The following IPO7 variants were observed in gnomAD, a reference collection of about 807,000 sequenced individuals.
IPO7 encodes the protein importin-7.
IPO7 carries 13 observed loss-of-function variants against 136.4 expected under a neutral mutation model. That is an observed-to-expected ratio of 0.10 (90% CI 0.06 to 0.15). IPO7 has a LOEUF of 0.15. IPO7 is among the 10% of genes least tolerant of loss of function. The pLI is 1.00. For missense variants in IPO7, 857 were observed against 1,240.6 expected (o/e 0.69, Z 4.65); for synonymous variants, 403 against 404.4 (o/e 1.00, Z 0.04).
Position 9,417,065 on chromosome 11 carries a change from C to A in IPO7, c.643C>A (p.Leu215Ile). 6.8e-7 allele frequency: 1 copy of A among 1,480,626 alleles called. No homozygotes were observed. The highest frequency in any genetic ancestry group is 9.4e-7 in the Non-Finnish European group (1 of 1,063,754). The allele number at this position is 1,480,626 out of a possible 1,614,324, so 91.7% of individuals were successfully genotyped here. Reference sequence around the variant, plus strand: ...ATTCTTGACTTTTATTTAGTATACACTACCACTGGAACTGATAAACCAACA... The same window carrying A: ...ATTCTTGACTTTTATTTAGTATACAATACCACTGGAACTGATAAACCAACA... Reference protein sequence around the residue: ...KIFYALVQYTLPLELINQQNL... With the variant: ...KIFYALVQYTIPLELINQQNL... The change falls in exon 6 of 25, where the codon CTA becomes ATA. Residue 215 changes from leucine to isoleucine, a missense_variant. This residue lies in a region of IPO7 where 287 missense variants were observed against 307.5 expected (regional missense o/e 0.93). Transcript: ENST00000379719.
intron 6 of IPO7, among the ~76,000 whole-genome samples, chr11:9,418,735 C>T (rs948582715): frequency 4.5e-4 from 68 of 152,080 alleles, no homozygotes; most frequent in African/African-American, 1.6e-3. Context: ...TATAAATAAA[C>T]AGTTCAGTGA....
In IPO7 at chr11:9,438,226, A is replaced by C. The variant is rs754521406; in HGVS notation, c.2636A>C (p.His879Pro). 1 of 1,612,228 alleles carries C rather than the reference A, an allele frequency of 6.2e-7. No homozygotes were observed. The highest frequency in any genetic ancestry group is 8.5e-7 in the Non-Finnish European group (1 of 1,178,832). Residue 879 changes from histidine (H) to proline (P), a missense_variant, in exon 22 of 25, where the codon CAT becomes CCT. Physicochemically the swap from His to Pro is moderately conservative, Grantham distance 77. Transcript: ENST00000379719. Reference sequence around the variant, plus strand: ...GGATTGAAAAGAGCATATGCCTGCCATGCAGAACATGAGAATGACAGTGAT... The same window carrying C: ...GGATTGAAAAGAGCATATGCCTGCCCTGCAGAACATGAGAATGACAGTGAT... ...FNGLKRAYAC[H>P]AEHENDSDDD... is the part of the protein sequence containing the mutation.
At chr11:9,388,205 C>G (rs1348380538) in intron 1 of IPO7, among the ~76,000 whole-genome samples, 18 of 150,272 alleles carry the variant, frequency 1.2e-4, no homozygotes, top group African/African-American at 4.2e-4. Flanking sequence ...GAGACGGAGT[C>G]TTGCTCTTGT....
chr11:9,424,068 C>A (rs1213055871), intron 10 of IPO7, among the ~76,000 whole-genome samples, 192 bp downstream of exon 10: 1 of 152,112 alleles, frequency 6.6e-6, no homozygotes, highest in Non-Finnish European at 1.5e-5. Flanking sequence ...TTGGCAGACA[C>A]AAATTCAATA....
chr11:9,436,652 T>TTTTG lies in IPO7; in HGVS notation c.2268+298_2268+301dup, dbSNP rs568556140. Reference sequence around the variant, plus strand: ...GTAATTAAATATCCATGGTCAGTTTTTTTGTTTGTTTGTTTTGTTTTGTTT... The same window carrying TTTTG: ...GTAATTAAATATCCATGGTCAGTTTTTTTGTTTGTTTGTTTGTTTTGTTTTGTTT... On this transcript the variant is annotated intron_variant, in intron 20 of 24. Transcript: ENST00000379719. Among the ~76,000 whole-genome samples the TTTTG allele has an allele frequency of 6.6e-5, 10 of 151,226 alleles. No individual in the cohort carries two copies. The East Asian group carries it at 7.8e-4, about 12-fold the overall frequency.
intron 2 of IPO7, chr11:9,403,599 G>T: frequency 2.1e-6 from 1 of 469,744 alleles, no homozygotes; most frequent in Non-Finnish European, 3.7e-6. Context: ...AATAGAAATT[G>T]ATGGGGTTTA....
chr11:9,423,694 C>A, intron 9 of IPO7, 83 bp from the exon 10 acceptor site: 1 of 802,470 alleles, frequency 1.2e-6, no homozygotes, highest in Non-Finnish European at 2.1e-6. Flanking sequence ...TATAGTGTTA[C>A]TTTGGTTTTA....
chr11:9,405,122 T>A lies in IPO7; in HGVS notation c.166+1751T>A, dbSNP rs368553283. On this transcript the variant is annotated intron_variant, in intron 2 of 24. Transcript: ENST00000379719. ...AGGAATTATTATTATTATTATTATT[T>A]TTAGACAAACTGGCTGTATTGCCCA... is the stretch of plus-strand genomic sequence containing the variant. Among the ~76,000 whole-genome samples, 8 of 152,202 alleles carry A rather than the reference T, an allele frequency of 5.3e-5. No individual in the cohort carries two copies. The East Asian group carries it at 9.7e-4, about 18-fold the overall frequency.
chr11:9,425,016 C>T, intron 11 of IPO7, 26 bp downstream of exon 11: 1 of 1,448,160 alleles, frequency 6.9e-7, no homozygotes, highest in Middle Eastern at 2.1e-4. Context: ...GTTTAGATAA[C>T]TTTTCTGTAT....
rs542931154 is a variant in IPO7, at chr11:9,401,742, A to G, written c.85-1548A>G. Among the ~76,000 whole-genome samples the G allele has an allele frequency of 4.6e-5, 7 of 152,220 alleles. 1 individual carries two copies. Among genetic ancestry groups the G allele is most frequent in the African/African-American group, 1.2e-4 (5 of 41,546 alleles). ...GTATTAAATTATGATTATATAGTCT[A>G]TTGTTTTATTGTATGTTCAAAGCTA... On this transcript the variant is annotated intron_variant, in intron 1 of 24. Coordinates refer to ENST00000379719, the MANE Select transcript of IPO7 (RefSeq NM_006391.3).
intron 6 of IPO7, 77 bp downstream of exon 6, chr11:9,417,225 C>A: frequency 1.6e-6 from 1 of 612,972 alleles, no homozygotes; most frequent in Non-Finnish European, 2.9e-6. Context: ...CTGGTGTTTC[C>A]TGTAACATTC....
At position 9,408,334 on chromosome 11, in the gene IPO7, A is replaced by G. The variant is rs182303857; in HGVS notation, c.167-152A>G. On this transcript the variant is annotated intron_variant, in intron 2 of 24. Coordinates refer to ENST00000379719, the MANE Select transcript of IPO7 (RefSeq NM_006391.3). ...ACAGTGTTCAATTTGTGCATTATCA[A>G]CTTTAAAAATAATTGAATGTAGTAT... is the stretch of plus-strand genomic sequence containing the variant. 1.3e-3 allele frequency: 560 copies of G among 431,652 alleles called. 4 individuals carry two copies. The highest frequency in any genetic ancestry group is 0.01 in the African/African-American group (511 of 48,990). The allele number at this position is 431,652 out of a possible 1,614,324, so 26.7% of individuals were successfully genotyped here.
At chr11:9,392,954 A>G (rs1854657832) in intron 1 of IPO7, among the ~76,000 whole-genome samples, 1 of 151,900 alleles carries the variant, frequency 6.6e-6, no homozygotes, top group African/African-American at 2.4e-5. Flanking sequence ...CTCAAAAAAA[A>G]AAAAAAAAAA....
At chr11:9,428,855 A>G (rs769175105) in intron 13 of IPO7, 176 bp from the exon 14 acceptor site, 1 of 793,950 alleles carries the variant, frequency 1.3e-6, no homozygotes, top group African/African-American at 1.7e-5. Context: ...TATCCACACA[A>G]ACATCATGCG....
Position 9,402,956 on chromosome 11 carries a change from A to G in IPO7, c.85-334A>G. The G allele has an allele frequency of 2.0e-5, 5 of 252,456 alleles. 1 individual carries two copies. In the South Asian group the frequency reaches 2.3e-4, roughly 11 times the overall value. The allele number at this position is 252,456 out of a possible 1,614,324, so 15.6% of individuals were successfully genotyped here. A position where few individuals can be genotyped will look rare whatever the true frequency, so the allele number is the denominator to read the frequency against. ...GAATCGCTTGAACCTGGGGAGGCGGAGGTTGCAGTGAGCCAAGATTGCGTC... is the reference window on the plus strand; with the variant it reads ...GAATCGCTTGAACCTGGGGAGGCGGGGGTTGCAGTGAGCCAAGATTGCGTC... On this transcript the variant is annotated intron_variant, in intron 1 of 24. Transcript: ENST00000379719.
At chr11:9,401,343 T>C (rs1056493549) in intron 1 of IPO7, among the ~76,000 whole-genome samples, 1 of 152,108 alleles carries the variant, frequency 6.6e-6, no homozygotes, top group African/African-American at 2.4e-5. Flanking sequence ...GACTTGAATG[T>C]TAATTTTTAA....
At chr11:9,426,173 C>G (rs571439271) in intron 12 of IPO7, among the ~76,000 whole-genome samples, 2 of 152,332 alleles carry the variant, frequency 1.3e-5, no homozygotes, top group African/African-American at 4.8e-5. Context: ...GCAGTCACTC[C>G]ACATATCACC....
Position 9,429,592 on chromosome 11 carries a change from A to T in IPO7, c.1592-82A>T, listed in dbSNP as rs1483580996. The T allele has an allele frequency of 1.4e-5, 16 of 1,152,514 alleles. No individual in the cohort carries two copies. In the East Asian group the frequency reaches 2.8e-4, roughly 20 times the overall value. 71.4% of individuals were successfully genotyped at this position (1,152,514 alleles called of 1,614,324 possible). A position where few individuals can be genotyped will look rare whatever the true frequency, so the allele number is the denominator to read the frequency against. ...CCTTTTTATGTGAAAGTACTTTTTT[A>T]AAAAACTCATCGATATTTGTTATAT... On this transcript the variant is annotated intron_variant, in intron 14 of 24. Transcript: ENST00000379719.
At chr11:9,444,751 C>G (rs1447923661) in intron 24 of IPO7, among the ~76,000 whole-genome samples, 1 of 150,416 alleles carries the variant, frequency 6.6e-6, no homozygotes, top group African/African-American at 2.4e-5. Flanking sequence ...AGGAGAGAAT[C>G]GCTTGCACCT....
Sources: allele counts gnomAD v4.1 joint callset (sites outside exome capture counted in the v4.1 genomes callset), GRCh38; gene constraint gnomAD v4.1.1; regional missense constraint gnomAD v4.1.1; transcripts MANE v1.5; gene names NCBI Gene and HGNC (gene_info 2026-07-23, HGNC 2026-07-21).